The following USH2A variants were observed in gnomAD, a reference collection of about 807,000 sequenced individuals.
USH2A encodes usherin.
Under a neutral mutation model 538.9 loss-of-function variants are expected in USH2A, and 443 were observed. The observed-to-expected ratio is 0.82, with a 90% CI of 0.76 to 0.89. USH2A has a LOEUF of 0.89. Among genes scored for constraint, USH2A ranks in the 40% least tolerant of loss-of-function variants. The pLI, the probability that USH2A is intolerant of heterozygous loss-of-function variation, is 0.00. For missense variants in USH2A, 6,633 were observed against 6,324.8 expected, an observed-to-expected ratio of 1.05 and a Z score of -1.65; for synonymous variants, 2,413 against 2,273.5, an observed-to-expected ratio of 1.06 and a Z score of -1.75.
intron 30 of USH2A, among the ~76,000 whole-genome samples, chr1:216,050,045 A>T (rs2030691156): frequency 6.6e-6 from 1 of 152,146 alleles, no homozygotes; most frequent in Non-Finnish European, 1.5e-5. Context: ...GCTTTCTCTC[A>T]TTCCTGCCCC....
intron 27 of USH2A, among the ~76,000 whole-genome samples, chr1:216,076,162 A>G (rs1438460752): frequency 6.6e-6 from 1 of 152,174 alleles, no homozygotes; most frequent in Admixed American, 6.5e-5. Context: ...TGTATTTTTA[A>G]TAACCATTCC....
intron 64 of USH2A, among the ~76,000 whole-genome samples, chr1:215,659,990 G>A (rs1657392705): frequency 6.6e-6 from 1 of 152,110 alleles, no homozygotes; most frequent in Admixed American, 6.6e-5. Flanking sequence ...ATGCAATATT[G>A]TTTCTAGAAA....
At chr1:216,343,432 C>G (rs867310534) in intron 4 of USH2A, among the ~76,000 whole-genome samples, 1 of 147,944 alleles carries the variant, frequency 6.8e-6, no homozygotes, top group Admixed American at 6.8e-5. Context: ...CCCAGCTATG[C>G]AGTAGGCTAT....
At chr1:216,392,602 T>C (rs2039130410) in intron 3 of USH2A, among the ~76,000 whole-genome samples, 1 of 152,022 alleles carries the variant, frequency 6.6e-6, no homozygotes, top group Non-Finnish European at 1.5e-5. Flanking sequence ...TCTCTGTTAC[T>C]TCCCTTGTAC....
chr1:215,701,443 G>A (rs1659012786), intron 61 of USH2A, among the ~76,000 whole-genome samples: 1 of 152,150 alleles, frequency 6.6e-6, no homozygotes, highest in Non-Finnish European at 1.5e-5. Context: ...CTATTATTCT[G>A]TGGGAGTTTA....
chr1:215,994,296 T>C (rs1205472141), intron 34 of USH2A, among the ~76,000 whole-genome samples: 1 of 152,202 alleles, frequency 6.6e-6, no homozygotes, highest in African/African-American at 2.4e-5. Flanking sequence ...CTCTGATTTT[T>C]CAGTTTGATA....
chr1:216,260,972 C>T (rs1348315201), intron 11 of USH2A, among the ~76,000 whole-genome samples: 4 of 152,122 alleles, frequency 2.6e-5, no homozygotes, highest in South Asian at 2.1e-4. Context: ...AGCTTTTAAC[C>T]TCTGCAAAGT....
chr1:216,227,583 G>A (rs1187483083), intron 14 of USH2A, among the ~76,000 whole-genome samples: 1 of 152,112 alleles, frequency 6.6e-6, no homozygotes, highest in Non-Finnish European at 1.5e-5. Context: ...TCATATCAAG[G>A]ACTGGGAACA....
intron 11 of USH2A, among the ~76,000 whole-genome samples, chr1:216,288,824 T>C (rs2036939715): frequency 6.6e-6 from 1 of 152,150 alleles, no homozygotes; most frequent in Non-Finnish European, 1.5e-5. Flanking sequence ...AAAAAATCCA[T>C]TGTACTTTTA....
intron 10 of USH2A, among the ~76,000 whole-genome samples, chr1:216,289,670 C>A (rs1354663031): frequency 6.6e-6 from 1 of 152,070 alleles, no homozygotes; most frequent in African/African-American, 2.4e-5. Flanking sequence ...TTTATAGGGG[C>A]CCATACATTT....
intron 29 of USH2A, 60 bp downstream of exon 29, chr1:216,072,829 A>G (rs2031600083): frequency 7.4e-6 from 11 of 1,476,962 alleles, no homozygotes; most frequent in Non-Finnish European, 8.5e-6. Flanking sequence ...CCTTTTATAT[A>G]AATGCACAAA....
intron 56 of USH2A, among the ~76,000 whole-genome samples, chr1:215,760,124 G>A (rs1156962990): frequency 2.6e-5 from 4 of 152,190 alleles, no homozygotes; most frequent in Non-Finnish European, 4.4e-5. Context: ...AGGCCTGAGA[G>A]ATCATCTGGG....
intron 55 of USH2A, among the ~76,000 whole-genome samples, chr1:215,774,045 C>A (rs1376545612): frequency 6.6e-6 from 1 of 152,112 alleles, no homozygotes; most frequent in Non-Finnish European, 1.5e-5. Flanking sequence ...ATTCCACTTA[C>A]CCAAGCCAAT....
At chr1:215,653,125 A>C (rs1400938632) in intron 64 of USH2A, among the ~76,000 whole-genome samples, 1 of 152,188 alleles carries the variant, frequency 6.6e-6, no homozygotes, top group Non-Finnish European at 1.5e-5. Context: ...AATCATAAAT[A>C]CTATTAAGGC....
In USH2A at chr1:215,661,845, G is replaced by A. The variant is rs373712957; in HGVS notation, c.14133+9127C>T. Among the ~76,000 whole-genome samples, 4 of 152,150 alleles carry A rather than the reference G, an allele frequency of 2.6e-5. No individual in the cohort carries two copies. In the South Asian group the frequency reaches 8.3e-4, roughly 32 times the overall value. ...ATAAGAGTGGCCTTTAGAGTTTGGT[G>A]TGGAAATCGTGCTGTCCCTGAAGAT... On this transcript the variant is annotated intron_variant, in intron 64 of 71. Coordinates refer to ENST00000307340, the MANE Select transcript of USH2A (RefSeq NM_206933.4).
At chr1:216,062,188 T>G (rs2102538927) in intron 30 of USH2A, among the ~76,000 whole-genome samples, 1 of 152,272 alleles carries the variant, frequency 6.6e-6, no homozygotes, top group African/African-American at 2.4e-5. Flanking sequence ...TTCAAGAAAC[T>G]TGTAAAATTT....
At chr1:215,907,240 T>A (rs114923827) in intron 38 of USH2A, among the ~76,000 whole-genome samples, 2 of 152,058 alleles carry the variant, frequency 1.3e-5, no homozygotes, top group African/African-American at 2.4e-5. Context: ...AAACTGGGAC[T>A]ATCTTGGGCA....
intron 60 of USH2A, among the ~76,000 whole-genome samples, chr1:215,737,121 T>A (rs940037335): frequency 6.6e-5 from 10 of 151,950 alleles, no homozygotes; most frequent in African/African-American, 2.2e-4. Context: ...AGAATATTGA[T>A]GAGTCATTAA....
At chr1:216,063,806 C>T (rs575190849) in intron 30 of USH2A, among the ~76,000 whole-genome samples, 3 of 152,012 alleles carry the variant, frequency 2.0e-5, no homozygotes, top group Non-Finnish European at 4.4e-5. Context: ...TACAACAAAC[C>T]CAATTTTCCC....
Sources: allele counts gnomAD v4.1 joint callset (sites outside exome capture counted in the v4.1 genomes callset), GRCh38; gene constraint gnomAD v4.1.1; transcripts MANE v1.5; gene names NCBI Gene and HGNC (gene_info 2026-07-23, HGNC 2026-07-21).